Variants in PIEZO2 observed in about 807,000 individuals in gnomAD.
The protein encoded by PIEZO2 is piezo type mechanosensitive ion channel component 2.
PIEZO2 carries 172 observed loss-of-function variants against 337.3 expected under a neutral mutation model. The observed-to-expected ratio is 0.51, with a 90% CI of 0.45 to 0.58. The LOEUF is 0.58. PIEZO2 is among the 20% of genes least tolerant of loss of function. The pLI is 0.00. For synonymous variants in PIEZO2, 1,251 were observed against 1,228.5 expected (o/e 1.02, Z -0.38); for missense variants, 3,028 against 3,391.3 (o/e 0.89, Z 2.66).
intron 1 of PIEZO2, among the ~76,000 whole-genome samples, chr18:11,085,777 T>G (rs1007155284): frequency 7.8e-6 from 1 of 127,874 alleles, no homozygotes; most frequent in Non-Finnish European, 1.8e-5. Flanking sequence ...GAAAAAAAAT[T>G]TTTTTTAAAG....
Position 11,035,943 on chromosome 18 carries a change from G to A in PIEZO2, c.160+30184C>T, listed in dbSNP as rs1233595973. 2.0e-5 allele frequency among the ~76,000 whole-genome samples: 3 copies of A among 152,198 alleles called. No individual in the cohort carries two copies. Among genetic ancestry groups the A allele is most frequent in the Non-Finnish European group, 4.4e-5 (3 of 68,032 alleles). ...TCCTATGTTTGCTTGTTAGCAAGAA[G>A]TCCACACCTGGAACATGCTTGAAGC... On this transcript the variant is annotated intron_variant, in intron 2 of 55. Transcript: ENST00000674853. This position sits in a 1 kb window ranked among gnomAD's most constrained non-coding sequence, Gnocchi z 4.3.
At chr18:10,991,018 T>C (rs964321806) in intron 2 of PIEZO2, among the ~76,000 whole-genome samples, 2 of 152,016 alleles carry the variant, frequency 1.3e-5, no homozygotes, top group African/African-American at 4.8e-5. Context: ...TAATCTTAGT[T>C]AAGAAGTGTT....
At position 11,001,893 on chromosome 18, in the gene PIEZO2, GGGAAGGAAGGA is replaced by G. The variant is rs2035548693; in HGVS notation, c.161-22244_161-22234del. 1.8e-5 allele frequency among the ~76,000 whole-genome samples: 2 copies of G among 109,750 alleles called. No homozygotes were observed. The highest frequency in any genetic ancestry group is 6.2e-4 in the South Asian group (2 of 3,240). 72.0% of individuals were successfully genotyped at this position (109,750 alleles called of 152,430 possible). On this transcript the variant is annotated intron_variant, in intron 2 of 55. Coordinates refer to ENST00000674853, the MANE Select transcript of PIEZO2 (RefSeq NM_001378183.1). This position sits in a 1 kb window ranked among gnomAD's most constrained non-coding sequence, Gnocchi z 5.3. ...ATTCAAAAAAGAAAAAGGAGAAAAAGGGAAGGAAGGAAGAAGGAAGGAAGGAAGGAAGGAAG... is the reference window on the plus strand; with the variant it reads ...ATTCAAAAAAGAAAAAGGAGAAAAAGAGAAGGAAGGAAGGAAGGAAGGAAG...
Position 10,671,428 on chromosome 18 carries a change from C to T in PIEZO2, c.*99G>A. On this transcript the variant is annotated 3_prime_UTR_variant, in exon 56 of 56. Coordinates refer to ENST00000674853, the MANE Select transcript of PIEZO2 (RefSeq NM_001378183.1). Reference sequence around the variant, plus strand: ...TCTACCTATCAGAAGAGAAACAAACCATTTCCGTCGAACTAGAAATGCTTA... The same window carrying T: ...TCTACCTATCAGAAGAGAAACAAACTATTTCCGTCGAACTAGAAATGCTTA... 1 of 1,303,056 alleles carries T rather than the reference C, an allele frequency of 7.7e-7. No homozygotes were observed. The highest frequency in any genetic ancestry group is 1.0e-6 in the Non-Finnish European group (1 of 970,218). 80.7% of individuals were successfully genotyped at this position (1,303,056 alleles called of 1,614,324 possible).
In PIEZO2 at chr18:11,093,974, G is replaced by T. The variant is rs1040319704; in HGVS notation, c.65-27752C>A. Among the ~76,000 whole-genome samples the T allele has an allele frequency of 1.6e-4, 24 of 148,902 alleles. No individual in the cohort carries two copies. The East Asian group carries it at 1.6e-3, about 10-fold the overall frequency. On this transcript the variant is annotated intron_variant, in intron 1 of 55. Transcript: ENST00000674853. ...TTTTCAACTGTGATAATTTGTTGGG[G>T]TTTTTTTTTCTTTCTTTTTTTGAGA... is the stretch of plus-strand genomic sequence containing the variant.
At chr18:10,905,455 T>C (rs936110064) in intron 4 of PIEZO2, among the ~76,000 whole-genome samples, 30 of 151,950 alleles carry the variant, frequency 2.0e-4, no homozygotes, top group Admixed American at 1.9e-3. Flanking sequence ...TGGTGGCACA[T>C]GCCTATAATC....
rs1022212484 is a variant in PIEZO2 at position 11,009,904 on chromosome 18, C to G, written c.161-30244G>C. ...CCATCTGCGAGCCAAAGAGAGAGGC[C>G]TCAGGAGAAACCAAGCCTCAAGACA... is the stretch of plus-strand genomic sequence containing the variant. On this transcript the variant is annotated intron_variant, in intron 2 of 55. Coordinates refer to ENST00000674853, the MANE Select transcript of PIEZO2 (RefSeq NM_001378183.1). This position sits in a 1 kb window ranked among gnomAD's most constrained non-coding sequence, Gnocchi z 4.6. Among the ~76,000 whole-genome samples the G allele has an allele frequency of 7.2e-5, 11 of 152,060 alleles. No individual in the cohort carries two copies. Among genetic ancestry groups the G allele is most frequent in the Admixed American group, 7.2e-4 (11 of 15,258 alleles).
rs2039532900 is a variant in PIEZO2 at position 10,795,126 on chromosome 18, G to A, written c.1528-124C>T. ...ATATTCAAACCAGGGAGAGTAGAGA[G>A]TTGTGGTGGAGTGATGGAGACCCCA... On this transcript the variant is annotated intron_variant, in intron 12 of 55. Coordinates refer to ENST00000674853, the MANE Select transcript of PIEZO2 (RefSeq NM_001378183.1). The surrounding 1 kb of genome is among the most constrained non-coding windows in gnomAD (Gnocchi z 4.4). The A allele has an allele frequency of 2.3e-6, 2 of 861,632 alleles. No homozygotes were observed. The highest frequency in any genetic ancestry group is 5.2e-5 in the Admixed American group (2 of 38,322). 53.4% of individuals were successfully genotyped at this position (861,632 alleles called of 1,614,324 possible). A position where few individuals can be genotyped will look rare whatever the true frequency, so the allele number is the denominator to read the frequency against.
chr18:10,823,458 G>C (rs892973803), intron 7 of PIEZO2, among the ~76,000 whole-genome samples: 2 of 152,112 alleles, frequency 1.3e-5, no homozygotes, highest in Non-Finnish European at 2.9e-5. Flanking sequence ...CACACATCCT[G>C]TTAATAGCCC....
intron 2 of PIEZO2, among the ~76,000 whole-genome samples, chr18:10,983,791 A>G (rs993036119): frequency 2.6e-5 from 4 of 152,192 alleles, no homozygotes; most frequent in Non-Finnish European, 5.9e-5. Context: ...TTCAGATAGC[A>G]CACAGATCTC....
rs556440368 is a variant in PIEZO2, at chr18:11,058,470, C to T, written c.160+7657G>A. On this transcript the variant is annotated intron_variant, in intron 2 of 55. Coordinates refer to ENST00000674853, the MANE Select transcript of PIEZO2 (RefSeq NM_001378183.1). Reference sequence around the variant, plus strand: ...GAGAAGAAGACTTCAGATGATCAAACTACTCTGAGCTAAAGGAGGAAGTTC... The same window carrying T: ...GAGAAGAAGACTTCAGATGATCAAATTACTCTGAGCTAAAGGAGGAAGTTC... 6.6e-5 allele frequency among the ~76,000 whole-genome samples: 10 copies of T among 152,224 alleles called. No homozygotes were observed. In the South Asian group the frequency reaches 2.1e-3, roughly 32 times the overall value.
intron 2 of PIEZO2, among the ~76,000 whole-genome samples, chr18:11,045,729 C>T (rs1289481938): frequency 6.6e-6 from 1 of 152,166 alleles, no homozygotes; most frequent in Non-Finnish European, 1.5e-5. Context: ...TACATTTTAG[C>T]AGGAATGTGA....
rs2040192961 is a variant in PIEZO2 at position 11,126,684 on chromosome 18, G to T, written c.64+21841C>A. Among the ~76,000 whole-genome samples the T allele has an allele frequency of 6.6e-6, 1 of 151,430 alleles. No homozygotes were observed. Among genetic ancestry groups the T allele is most frequent in the African/African-American group, 2.4e-5 (1 of 41,174 alleles). On this transcript the variant is annotated intron_variant, in intron 1 of 55. Coordinates refer to ENST00000674853, the MANE Select transcript of PIEZO2 (RefSeq NM_001378183.1). This position sits in a 1 kb window ranked among gnomAD's most constrained non-coding sequence, Gnocchi z 4.6. ...GAGCCATCCTGATAGGCCAGTAAAT[G>T]TTTATTGAATGAATCAATGAAAGAT... is the stretch of plus-strand genomic sequence containing the variant.
chr18:10,900,178 TACACACACAC>T (rs56708718), intron 4 of PIEZO2, among the ~76,000 whole-genome samples: 20 of 148,396 alleles, frequency 1.3e-4, no homozygotes, highest in South Asian at 2.2e-4. Context: ...TTACTTTTGT[TACACACACAC>T]ACACACACAC....
intron 30 of PIEZO2, among the ~76,000 whole-genome samples, chr18:10,745,583 A>T (rs1014504135): frequency 6.6e-6 from 1 of 152,100 alleles, no homozygotes; most frequent in Non-Finnish European, 1.5e-5. Context: ...TTCCACTTGG[A>T]AAGAATCTTC....
intron 3 of PIEZO2, among the ~76,000 whole-genome samples, chr18:10,944,012 C>A (rs977330785): frequency 2.0e-5 from 3 of 152,154 alleles, no homozygotes; most frequent in African/African-American, 7.2e-5. Flanking sequence ...GCCTCCCCAG[C>A]CATGTGGAAC....
At chr18:11,076,380 C>G (rs1461098938) in intron 1 of PIEZO2, among the ~76,000 whole-genome samples, 1 of 152,128 alleles carries the variant, frequency 6.6e-6, no homozygotes, top group Non-Finnish European at 1.5e-5. Flanking sequence ...AAAATCATAA[C>G]TACTACTCAA....
rs760680709 is a variant in PIEZO2, at chr18:11,048,395, A to G, written c.160+17732T>C. On this transcript the variant is annotated intron_variant, in intron 2 of 55. Coordinates refer to ENST00000674853, the MANE Select transcript of PIEZO2 (RefSeq NM_001378183.1). The surrounding 1 kb of genome is among the most constrained non-coding windows in gnomAD (Gnocchi z 4.5). ...GACACTCAGTAATGCTTATTCTGTG[A>G]CCAAAGGAAATGAATGCATATTTTG... Among the ~76,000 whole-genome samples, 2 of 152,220 alleles carry G rather than the reference A, an allele frequency of 1.3e-5. No homozygotes were observed. Among genetic ancestry groups the G allele is most frequent in the African/African-American group, 2.4e-5 (1 of 41,456 alleles).
In PIEZO2 at chr18:10,854,607, A is replaced by G. The variant is rs1487317411; in HGVS notation, c.917+746T>C. Among the ~76,000 whole-genome samples, 1 of 152,232 alleles carries G rather than the reference A, an allele frequency of 6.6e-6. No individual in the cohort carries two copies. The highest frequency in any genetic ancestry group is 1.5e-5 in the Non-Finnish European group (1 of 68,038). On this transcript the variant is annotated intron_variant, in intron 7 of 55. Coordinates refer to ENST00000674853, the MANE Select transcript of PIEZO2 (RefSeq NM_001378183.1). The surrounding 1 kb of genome is among the most constrained non-coding windows in gnomAD (Gnocchi z 4.6). ...TTCTTTACCTTTAATTCTCATTTTC[A>G]TAGTAAGGATTTGGTGTAATAGTCA...
Sources: gnomAD v4.1 joint callset for allele counts (sites outside exome capture counted in the v4.1 genomes callset) on GRCh38, gnomAD v4.1.1 for gene constraint, Gnocchi (gnomAD v3.1) non-coding constraint, MANE v1.5 for transcripts, NCBI Gene and HGNC (gene_info 2026-07-23, HGNC 2026-07-21) for gene names.